CDK13: variants seen among roughly 807,000 people sequenced by gnomAD.
CDK13 encodes the protein cyclin dependent kinase 13.
A neutral mutation model predicts 137.6 loss-of-function variants in CDK13; 40 were observed. That is an observed-to-expected ratio of 0.29 (90% CI 0.23 to 0.38). The LOEUF is 0.38. Ranked by LOEUF, CDK13 falls within the 10% of genes least tolerant of loss-of-function variation. The pLI, the probability that CDK13 is intolerant of heterozygous loss-of-function variation, is 1.00. For missense variants in CDK13, 1,704 were observed against 1,951.8 expected, an observed-to-expected ratio of 0.87 and a Z score of 2.39; for synonymous variants, 869 against 760.1, an observed-to-expected ratio of 1.14 and a Z score of -2.36.
At position 39,987,977 on chromosome 7, in the gene CDK13, A is replaced by T; in HGVS notation, c.1590A>T (p.Gly530=). 6.2e-7 allele frequency: 1 copy of T among 1,614,144 alleles called. No homozygotes were observed. Among genetic ancestry groups the T allele is most frequent in the Non-Finnish European group, 8.5e-7 (1 of 1,179,994 alleles). The change falls in exon 2 of 14, where the codon GGA becomes GGT. Residue 530 remains glycine (G), a synonymous_variant. Transcript: ENST00000181839. ...IEHAPSPSSG[G]TLKNDKAKTK... Reference sequence around the variant, plus strand: ...ATGCACCTTCTCCCTCAAGTGGTGGAACTTTAAAAAATGACAAAGCAAAAA... The same window carrying T: ...ATGCACCTTCTCCCTCAAGTGGTGGTACTTTAAAAAATGACAAAGCAAAAA...
intron 1 of CDK13, among the ~76,000 whole-genome samples, chr7:39,965,945 C>T (rs1285015811): frequency 3.3e-5 from 5 of 152,180 alleles, no homozygotes; most frequent in Non-Finnish European, 4.4e-5. Flanking sequence ...GAATATTGGC[C>T]CCCACTCTCT....
At chr7:39,979,544 A>G (rs925606135) in intron 1 of CDK13, among the ~76,000 whole-genome samples, 3 of 151,948 alleles carry the variant, frequency 2.0e-5, no homozygotes, top group Admixed American at 6.6e-5. Context: ...TTAAGATGAT[A>G]TGGTACTCTA....
intron 1 of CDK13, among the ~76,000 whole-genome samples, chr7:39,960,601 C>CA: frequency 6.7e-6 from 1 of 149,070 alleles, no homozygotes. Flanking sequence ...GATGGAGTCT[C>CA]ACTGTTGTCG....
chr7:40,060,059 G>A (rs916488999), intron 7 of CDK13, among the ~76,000 whole-genome samples: 2 of 152,010 alleles, frequency 1.3e-5, no homozygotes, highest in African/African-American at 4.8e-5. Flanking sequence ...CTATTTTCAC[G>A]TCTGAATTAA....
At chr7:39,981,972 C>T (rs112829224) in intron 1 of CDK13, among the ~76,000 whole-genome samples, 39,111 of 144,890 alleles carry the variant, frequency 0.27, 6,319 homozygotes, top group Middle Eastern at 0.45. Context: ...TTTTTTTTTT[C>T]ACTATTGTGT....
chr7:40,049,605 T>A (rs2150518589), intron 7 of CDK13, among the ~76,000 whole-genome samples: 1 of 152,300 alleles, frequency 6.6e-6, no homozygotes, highest in African/African-American at 2.4e-5. Flanking sequence ...TGCCAACACT[T>A]AAAAATCTAC....
At chr7:40,018,366 C>T (rs1204520927) in intron 5 of CDK13, among the ~76,000 whole-genome samples, 2 of 149,948 alleles carry the variant, frequency 1.3e-5, no homozygotes, top group Admixed American at 1.3e-4. Flanking sequence ...ATAATGTGTT[C>T]TTTAATTCTG....
rs1213730855 is a variant in CDK13 at position 39,989,086 on chromosome 7, CA to C, written c.1871+853del. On this transcript the variant is annotated intron_variant, in intron 2 of 13. Transcript: ENST00000181839. ...GTGACACAGTAAGACCGTGTCTCAC[CA>C]AAAAAAAAAAAAAAAAAAAAAAAAG... 4.1e-3 allele frequency among the ~76,000 whole-genome samples: 191 copies of C among 46,680 alleles called. 1 individual carries two copies. The highest frequency in any genetic ancestry group is 0.016 in the African/African-American group (171 of 10,730). The allele number at this position is 46,680 out of a possible 152,430, so 30.6% of individuals were successfully genotyped here.
At chr7:39,954,789 A>G (rs1787356430) in intron 1 of CDK13, among the ~76,000 whole-genome samples, 1 of 152,222 alleles carries the variant, frequency 6.6e-6, no homozygotes, top group Non-Finnish European at 1.5e-5. Flanking sequence ...ACAATTTTAA[A>G]TAAGCTGAAA....
Position 40,094,473 on chromosome 7 carries a change from C to T in CDK13, c.4032C>T (p.Phe1344=). ...DYKDNFGSSS[F]SSAPYVSNDG... is the part of the protein sequence containing the mutation. ...AGGACAACTTTGGATCCTCTTCTTT[C>T]TCTTCTGCTCCTTATGTTAGCAATG... The change falls in exon 14 of 14, where the codon TTC becomes TTT. Residue 1344 remains phenylalanine, a synonymous_variant. Coordinates refer to ENST00000181839, the MANE Select transcript of CDK13 (RefSeq NM_003718.5). 6.2e-7 allele frequency: 1 copy of T among 1,613,756 alleles called. No individual in the cohort carries two copies. The highest frequency in any genetic ancestry group is 1.6e-4 in the Middle Eastern group (1 of 6,062).
intron 1 of CDK13, among the ~76,000 whole-genome samples, chr7:39,978,787 T>C (rs890077946): frequency 2.6e-5 from 4 of 152,210 alleles, no homozygotes; most frequent in African/African-American, 4.8e-5. Context: ...TGCCTGTCTA[T>C]GGACTACACT....
rs1777558443 is a variant in CDK13 at position 39,987,898 on chromosome 7, C to T, written c.1511C>T (p.Ala504Val). 3 of 1,614,028 alleles carry T rather than the reference C, an allele frequency of 1.9e-6. 1 individual carries two copies. The African/African-American group carries it at 4.0e-5, about 22-fold the overall frequency. ...TPTKGNTETSASASQTNHVKD... is the reference protein window; with the variant it reads ...TPTKGNTETSVSASQTNHVKD... Reference sequence around the variant, plus strand: ...ACCAAGGGGAACACGGAAACTAGTGCCAGTGCATCACAAACAAACCATGTG... The same window carrying T: ...ACCAAGGGGAACACGGAAACTAGTGTCAGTGCATCACAAACAAACCATGTG... Residue 504 changes from alanine (A) to valine (V), a missense_variant, in exon 2 of 14, where the codon GCC (alanine) becomes GTC (valine). Transcript: ENST00000181839.
At chr7:40,028,569 T>G (rs949370272) in intron 5 of CDK13, among the ~76,000 whole-genome samples, 1 of 152,070 alleles carries the variant, frequency 6.6e-6, no homozygotes, top group African/African-American at 2.4e-5. Context: ...GGCAGATACT[T>G]AACTATCTAC....
rs1466298784 is a variant in CDK13 at position 40,096,823 on chromosome 7, AAG to A, written c.*1845_*1846del. ...TTGATGGACTCTTTTTGTTGGGAGA[AAG>A]AAATGAATGGAAGAAAAAAATATGT... On this transcript the variant is annotated 3_prime_UTR_variant, in exon 14 of 14. Coordinates refer to ENST00000181839, the MANE Select transcript of CDK13 (RefSeq NM_003718.5). 3 of 152,158 alleles carry A rather than the reference AAG, an allele frequency of 2.0e-5. No individual in the cohort carries two copies. The highest frequency in any genetic ancestry group is 4.4e-5 in the Non-Finnish European group (3 of 68,004). The allele number at this position is 152,158 out of a possible 1,614,324, so 9.4% of individuals were successfully genotyped here. A position where few individuals can be genotyped will look rare whatever the true frequency, so the allele number is the denominator to read the frequency against.
intron 5 of CDK13, among the ~76,000 whole-genome samples, chr7:40,005,951 C>G (rs1784789244): frequency 6.6e-6 from 1 of 152,092 alleles, no homozygotes; most frequent in Non-Finnish European, 1.5e-5. Flanking sequence ...GCGTCAAACT[C>G]CTGGCTCAAT....
chr7:40,080,187 C>T (rs1307830255), intron 11 of CDK13, among the ~76,000 whole-genome samples: 2 of 152,036 alleles, frequency 1.3e-5, no homozygotes, highest in East Asian at 1.9e-4. Context: ...GGGATTTCAC[C>T]ATGTTGGCCA....
chr7:40,068,707 G>GAAAAAAA (rs1158145409), intron 9 of CDK13, among the ~76,000 whole-genome samples: 9 of 47,076 alleles, frequency 1.9e-4, no homozygotes, highest in Middle Eastern at 0.019. Flanking sequence ...CTATGTCTCA[G>GAAAAAAA]AAAAAAAAAA....
At chr7:40,060,873 G>T (rs1347818088) in intron 7 of CDK13, 1 of 152,312 alleles carries the variant, frequency 6.6e-6, no homozygotes, top group Non-Finnish European at 1.5e-5. Flanking sequence ...TTTGAGACCA[G>T]CCTGGCCAAC....
intron 2 of CDK13, among the ~76,000 whole-genome samples, chr7:39,990,917 T>C (rs947961907): frequency 9.2e-5 from 14 of 152,250 alleles, no homozygotes; most frequent in Non-Finnish European, 1.5e-4. Flanking sequence ...CTTTAGATTA[T>C]TGAAAAAAAG....
Sources: gnomAD v4.1 joint callset for allele counts (sites outside exome capture counted in the v4.1 genomes callset) on GRCh38, gnomAD v4.1.1 for gene constraint, MANE v1.5 for transcripts, NCBI Gene and HGNC (gene_info 2026-07-23, HGNC 2026-07-21) for gene names.